Variants in OR5D3 observed in about 807,000 individuals in gnomAD.
OR5D3 encodes olfactory receptor family 5 subfamily D member 3, also known as olfactory receptor 5D3.
chr11:55,723,898 A>G, the OR5D3 span: 2 of 386,880 alleles, frequency 5.2e-6, no homozygotes, highest in South Asian at 1.4e-4. Flanking sequence ...AAAAAGTAAC[A>G]TTTAAAATCT....
At chr11:55,726,388 A>G in the OR5D3 span, 3 of 473,808 alleles carry the variant, frequency 6.3e-6, no homozygotes, top group South Asian at 6.9e-5. Flanking sequence ...CCACACCCCT[A>G]TGTACTTTTT....
the OR5D3 span, among the ~76,000 whole-genome samples, chr11:55,724,529 T>A: frequency 1.3e-5 from 2 of 152,034 alleles, no homozygotes; most frequent in Non-Finnish European, 2.9e-5. Context: ...GAAAGCAAAC[T>A]TTATGTAAAT....
chr11:55,727,197 T>A, the OR5D3 span: 3 of 397,862 alleles, frequency 7.5e-6, no homozygotes, highest in Non-Finnish European at 1.3e-5. Context: ...AGAGCAGCAC[T>A]GCAGTTGTTC....
At chr11:55,724,200 A>G in the OR5D3 span, 1 of 386,406 alleles carries the variant, frequency 2.6e-6, no homozygotes, top group Non-Finnish European at 4.6e-6. Flanking sequence ...CTATGTTGTT[A>G]TATCCTGATT....
chr11:55,723,818 G>A, the OR5D3 span: 1 of 353,832 alleles, frequency 2.8e-6, no homozygotes, highest in Non-Finnish European at 5.1e-6. Flanking sequence ...GACACAGTTT[G>A]GTGCTAGGAC....
the OR5D3 span, chr11:55,728,120 C>CTGTA: frequency 2.0e-5 from 3 of 151,980 alleles, no homozygotes; most frequent in East Asian, 5.8e-4. Context: ...AACTAGAGAC[C>CTGTA]TGTATGTATG....
the OR5D3 span, chr11:55,723,908 T>C: frequency 5.1e-6 from 2 of 391,170 alleles, no homozygotes. Context: ...ATTTAAAATC[T>C]TCAAGGAAAT....
the OR5D3 span, chr11:55,729,121 A>AT: frequency 3.9e-4 from 59 of 152,108 alleles, 3 homozygotes; most frequent in African/African-American, 1.2e-3. Context: ...TTAATACAAG[A>AT]TTTTTTTATT....
chr11:55,726,027 C>T, the OR5D3 span, among the ~76,000 whole-genome samples: 1 of 151,896 alleles, frequency 6.6e-6, no homozygotes, highest in Non-Finnish European at 1.5e-5. Flanking sequence ...ACAAAATAAT[C>T]CTATTCACCT....
the OR5D3 span, among the ~76,000 whole-genome samples, chr11:55,724,915 G>C: frequency 0.044 from 6,652 of 152,020 alleles, 205 homozygotes; most frequent in Non-Finnish European, 0.065. Context: ...GGGAACTAGA[G>C]AAAGCTATTG....
chr11:55,725,082 T>C, the OR5D3 span, among the ~76,000 whole-genome samples: 1,474 of 152,186 alleles, frequency 9.7e-3, 41 homozygotes, highest in African/African-American at 0.034. Flanking sequence ...AGCTGTCCCA[T>C]ATAGGCCTCA....
chr11:55,724,556 A>G, the OR5D3 span, among the ~76,000 whole-genome samples: 1 of 152,114 alleles, frequency 6.6e-6, no homozygotes, highest in African/African-American at 2.4e-5. Flanking sequence ...GTGCTTTATA[A>G]TAACTTGATA....
chr11:55,726,050 A>G, the OR5D3 span, among the ~76,000 whole-genome samples: 1 of 152,016 alleles, frequency 6.6e-6, no homozygotes, highest in Non-Finnish European at 1.5e-5. Flanking sequence ...TAATTTTTAT[A>G]TAAGTACTCT....
At chr11:55,727,890 T>C in the OR5D3 span, 1 of 152,026 alleles carries the variant, frequency 6.6e-6, no homozygotes, top group Non-Finnish European at 1.5e-5. Context: ...AGTTTCCCCC[T>C]AAGATAGTAC....
chr11:55,728,083 T>C, the OR5D3 span: 2 of 152,088 alleles, frequency 1.3e-5, no homozygotes, highest in South Asian at 4.1e-4. Context: ...GTGTCAAGAA[T>C]GGGGTAACTA....
chr11:55,727,164 G>A, the OR5D3 span: 1 of 398,528 alleles, frequency 2.5e-6, no homozygotes, highest in Admixed American at 4.4e-5. Flanking sequence ...TGTAATGCTA[G>A]AAATATTAAT....
chr11:55,724,754 G>A, the OR5D3 span, among the ~76,000 whole-genome samples: 1 of 152,138 alleles, frequency 6.6e-6, no homozygotes, highest in Admixed American at 6.5e-5. Context: ...TTGCGATGTT[G>A]CAAAGGACAT....
chr11:55,727,204 G>T, the OR5D3 span: 1 of 397,588 alleles, frequency 2.5e-6, no homozygotes, highest in Admixed American at 4.4e-5. Context: ...CACTGCAGTT[G>T]TTCAATAACT....
chr11:55,729,054 A>C, the OR5D3 span: 2 of 152,020 alleles, frequency 1.3e-5, no homozygotes, highest in African/African-American at 4.8e-5. Flanking sequence ...GTAATTTGGT[A>C]GGTTTCTTTT....
Sources: allele counts gnomAD v4.1 joint callset (sites outside exome capture counted in the v4.1 genomes callset), GRCh38; gene constraint gnomAD v4.1.1; transcripts MANE v1.5; gene names NCBI Gene and HGNC (gene_info 2026-07-23, HGNC 2026-07-21).